NLGN1: variants seen among roughly 807,000 people sequenced by gnomAD.
NLGN1 encodes neuroligin-1.
A neutral mutation model predicts 65.5 loss-of-function variants in NLGN1; 12 were observed. That is an observed-to-expected ratio of 0.18 (90% CI 0.12 to 0.30). NLGN1 has a LOEUF of 0.30. Ranked by LOEUF, NLGN1 falls within the 10% of genes least tolerant of loss-of-function variation. The pLI is 1.00. For synonymous variants in NLGN1, 350 were observed against 359.5 expected (o/e 0.97, Z 0.30); for missense variants, 750 against 1,007.1 (o/e 0.74, Z 3.46).
intron 4 of NLGN1, among the ~76,000 whole-genome samples, chr3:174,176,090 C>T (rs1213553679): frequency 1.3e-5 from 2 of 151,842 alleles, no homozygotes; most frequent in East Asian, 3.9e-4. Context: ...GTTTTCAGGT[C>T]AGGTTTCTGG....
chr3:174,021,591 G>A (rs1026014037), intron 4 of NLGN1, among the ~76,000 whole-genome samples: 7 of 152,064 alleles, frequency 4.6e-5, no homozygotes, highest in South Asian at 2.1e-4. Context: ...TAATAGAAAC[G>A]AAGAAAAGAA....
At chr3:173,558,529 T>A (rs957813857) in intron 2 of NLGN1, among the ~76,000 whole-genome samples, 16 of 152,280 alleles carry the variant, frequency 1.1e-4, no homozygotes, top group Middle Eastern at 6.8e-3. Context: ...TGCTTCAGTT[T>A]GAATAATTTT....
intron 3 of NLGN1, among the ~76,000 whole-genome samples, chr3:173,610,205 G>A (rs943577656): frequency 1.3e-5 from 2 of 151,898 alleles, no homozygotes; most frequent in African/African-American, 4.8e-5. Context: ...GCTGTGGGCT[G>A]TGAAAGAAAA....
chr3:173,699,571 C>T (rs1434241519), intron 3 of NLGN1, among the ~76,000 whole-genome samples: 1 of 152,166 alleles, frequency 6.6e-6, no homozygotes, highest in Admixed American at 6.5e-5. Context: ...AGCTTCCTGT[C>T]TCAGTGAACT....
intron 4 of NLGN1, among the ~76,000 whole-genome samples, chr3:174,217,202 C>A (rs931729177): frequency 2.0e-5 from 3 of 152,090 alleles, no homozygotes; most frequent in African/African-American, 4.8e-5. Context: ...GGGGTTCTTC[C>A]CTTATGTATC....
intron 3 of NLGN1, among the ~76,000 whole-genome samples, chr3:173,700,402 T>C (rs1766945020): frequency 6.6e-6 from 1 of 152,232 alleles, no homozygotes; most frequent in East Asian, 1.9e-4. Flanking sequence ...AGAAAAGATG[T>C]ATTCAGGTCT....
At chr3:173,404,632 G>C (rs1718279779) in intron 1 of NLGN1, among the ~76,000 whole-genome samples, 1 of 152,160 alleles carries the variant, frequency 6.6e-6, no homozygotes, top group Non-Finnish European at 1.5e-5. Flanking sequence ...GGGCACTCCT[G>C]TGTCAGGTGA....
chr3:173,641,103 G>C (rs925356894), intron 3 of NLGN1, among the ~76,000 whole-genome samples: 3 of 152,066 alleles, frequency 2.0e-5, no homozygotes, highest in African/African-American at 7.2e-5. Context: ...GATAATCCTT[G>C]AGTGACTAAA....
chr3:173,479,515 A>G (rs1489080552), intron 2 of NLGN1, among the ~76,000 whole-genome samples: 1 of 152,156 alleles, frequency 6.6e-6, no homozygotes, highest in East Asian at 1.9e-4. Context: ...TCTTTGTGTC[A>G]TTAGTTTGAT....
intron 4 of NLGN1, among the ~76,000 whole-genome samples, chr3:173,808,736 A>G (rs974756296): frequency 2.0e-5 from 3 of 152,158 alleles, no homozygotes; most frequent in African/African-American, 7.2e-5. Context: ...ATCCCATACT[A>G]TAGACTTGAA....
At chr3:173,712,723 A>G (rs921014214) in intron 3 of NLGN1, among the ~76,000 whole-genome samples, 3 of 152,304 alleles carry the variant, frequency 2.0e-5, no homozygotes, top group Middle Eastern at 3.4e-3. Context: ...ACAATTCTAC[A>G]AATGAAGATT....
intron 3 of NLGN1, chr3:173,789,956 C>T: frequency 2.2e-6 from 1 of 462,686 alleles, no homozygotes; most frequent in Non-Finnish European, 4.3e-6. Flanking sequence ...GAGCACAGTC[C>T]CTACCCTTGT....
chr3:173,436,145 G>C (rs1308986792), intron 2 of NLGN1, among the ~76,000 whole-genome samples: 1 of 152,186 alleles, frequency 6.6e-6, no homozygotes, highest in African/African-American at 2.4e-5. Flanking sequence ...TTGTTGAGAA[G>C]AAAAGACAGA....
intron 3 of NLGN1, among the ~76,000 whole-genome samples, chr3:173,673,999 A>G (rs894008171): frequency 6.6e-6 from 1 of 152,084 alleles, no homozygotes; most frequent in Non-Finnish European, 1.5e-5. Context: ...GTAAATTTAC[A>G]AAGTCATTTA....
chr3:174,270,744 G>C (rs1749244098), intron 4 of NLGN1, among the ~76,000 whole-genome samples: 1 of 151,774 alleles, frequency 6.6e-6, no homozygotes, highest in Admixed American at 6.6e-5. Context: ...GCAGGAGACA[G>C]AGGCAGAATG....
Position 173,560,536 on chromosome 3 carries a change from T to A in NLGN1, c.-320-43743T>A, listed in dbSNP as rs539379579. On this transcript the variant is annotated intron_variant, in intron 2 of 6. Transcript: ENST00000457714. ...AATCAACAGAATGATTTTTTTTTTT[T>A]ATTATTCTAGCTTCAAATACCCGTC... Among the ~76,000 whole-genome samples, 633 of 148,738 alleles carry A rather than the reference T, an allele frequency of 4.3e-3. 4 individuals are homozygous for A. The highest frequency in any genetic ancestry group is 0.015 in the African/African-American group (593 of 40,420).
At chr3:173,498,606 C>G (rs1297160440) in intron 2 of NLGN1, among the ~76,000 whole-genome samples, 6 of 151,786 alleles carry the variant, frequency 4.0e-5, no homozygotes, top group East Asian at 3.9e-4. Context: ...ATTTCTAGTT[C>G]TAGATCCCTG....
intron 4 of NLGN1, among the ~76,000 whole-genome samples, chr3:173,843,040 A>C (rs116046439): frequency 0.01 from 1,561 of 152,270 alleles, 30 homozygotes; most frequent in African/African-American, 0.035. Context: ...CCAAACCCCA[A>C]ATCTTGACTT....
At chr3:173,622,843 C>A (rs1754219577) in intron 3 of NLGN1, among the ~76,000 whole-genome samples, 1 of 152,068 alleles carries the variant, frequency 6.6e-6, no homozygotes, top group Non-Finnish European at 1.5e-5. Context: ...TTTGATATTT[C>A]CGAAAGAACA....
Sources: allele counts gnomAD v4.1 joint callset (sites outside exome capture counted in the v4.1 genomes callset), GRCh38; gene constraint gnomAD v4.1.1; transcripts MANE v1.5; gene names NCBI Gene and HGNC (gene_info 2026-07-23, HGNC 2026-07-21).